INPP4B: variants seen among roughly 807,000 people sequenced by gnomAD.
INPP4B encodes the protein inositol polyphosphate 4-phosphatase type II.
INPP4B carries 55 observed loss-of-function variants against 122.5 expected under a neutral mutation model. The observed-to-expected ratio is 0.45, with a 90% CI of 0.36 to 0.56. INPP4B has a LOEUF of 0.56. INPP4B is among the 20% of genes least tolerant of loss of function. INPP4B has a pLI of 0.00. For missense variants in INPP4B, 1,000 were observed against 1,097.7 expected (o/e 0.91, Z 1.26); for synonymous variants, 403 against 388.7 (o/e 1.04, Z -0.43).
In INPP4B at chr4:142,530,595, G is replaced by A. The variant is rs144011856; in HGVS notation, c.-190-67869C>T. 6.8e-3 allele frequency among the ~76,000 whole-genome samples: 955 copies of A among 140,038 alleles called. 24 individuals carry two copies. Among genetic ancestry groups the A allele is most frequent in the Admixed American group, 0.034 (475 of 13,930 alleles). 91.9% of individuals were successfully genotyped at this position (140,038 alleles called of 152,430 possible). ...TATATATATACACACACACACAGACGCACATACATACACATAAGGAAGAAA... is the reference window on the plus strand; with the variant it reads ...TATATATATACACACACACACAGACACACATACATACACATAAGGAAGAAA... On this transcript the variant is annotated intron_variant, in intron 2 of 25. Coordinates refer to ENST00000262992, the MANE Select transcript of INPP4B (RefSeq NM_001101669.3).
At chr4:142,647,606 T>C (rs912895682) in intron 2 of INPP4B, among the ~76,000 whole-genome samples, 2 of 152,190 alleles carry the variant, frequency 1.3e-5, no homozygotes, top group African/African-American at 4.8e-5. Flanking sequence ...GATAACCATG[T>C]GTGAGACCAG....
intron 18 of INPP4B, among the ~76,000 whole-genome samples, chr4:142,138,645 A>C (rs1806032759): frequency 6.6e-6 from 1 of 152,164 alleles, no homozygotes; most frequent in South Asian, 2.1e-4. Context: ...GATGCCCACT[A>C]GCTCTGTGAT....
At chr4:142,043,023 CT>C (rs1466399910) in intron 25 of INPP4B, among the ~76,000 whole-genome samples, 1 of 152,206 alleles carries the variant, frequency 6.6e-6, no homozygotes, top group African/African-American at 2.4e-5. Context: ...CCTCTACTCA[CT>C]CTTTTAAGTC....
chr4:142,657,587 G>T (rs1433693536), intron 2 of INPP4B, among the ~76,000 whole-genome samples: 1 of 152,174 alleles, frequency 6.6e-6, no homozygotes, highest in East Asian at 1.9e-4. Context: ...TTATAAGAAG[G>T]CTTGGAAATG....
chr4:142,252,252 G>A (rs1053475251), intron 11 of INPP4B, among the ~76,000 whole-genome samples: 20 of 145,792 alleles, frequency 1.4e-4, no homozygotes, highest in Non-Finnish European at 1.9e-4. Context: ...GCAGTGGCGC[G>A]ATCTCGGCTC....
chr4:142,458,792 A>T (rs1816073426), intron 3 of INPP4B, among the ~76,000 whole-genome samples: 1 of 152,214 alleles, frequency 6.6e-6, no homozygotes, highest in African/African-American at 2.4e-5. Flanking sequence ...TGGCTGATAG[A>T]GAAACAGTAG....
chr4:142,629,177 G>C (rs1038734796), intron 2 of INPP4B, among the ~76,000 whole-genome samples: 14 of 151,954 alleles, frequency 9.2e-5, no homozygotes, highest in Admixed American at 3.3e-4. Flanking sequence ...GGAGATTCTG[G>C]GGCATATATT....
chr4:142,177,594 A>C (rs1579182655), intron 15 of INPP4B, among the ~76,000 whole-genome samples: 1 of 152,070 alleles, frequency 6.6e-6, no homozygotes, highest in African/African-American at 2.4e-5. Flanking sequence ...TAGTTTCATA[A>C]TATTTTTCTA....
chr4:142,433,387 T>C (rs1241228450), intron 3 of INPP4B, among the ~76,000 whole-genome samples: 2 of 152,150 alleles, frequency 1.3e-5, no homozygotes, highest in Non-Finnish European at 2.9e-5. Flanking sequence ...ATCTTTTATC[T>C]TACTCAGAAG....
At chr4:142,727,228 T>C in intron 1 of INPP4B, among the ~76,000 whole-genome samples, 1 of 152,184 alleles carries the variant, frequency 6.6e-6, no homozygotes, top group East Asian at 1.9e-4. Flanking sequence ...TCGACTGCAG[T>C]GGTTCCCCTT....
intron 2 of INPP4B, among the ~76,000 whole-genome samples, chr4:142,540,947 T>A (rs1006785414): frequency 6.6e-6 from 1 of 152,190 alleles, no homozygotes; most frequent in African/African-American, 2.4e-5. Context: ...TTCTTGCATA[T>A]ATTTAAAGTA....
intron 25 of INPP4B, chr4:142,030,185 G>A (rs1162031680): frequency 1.3e-6 from 2 of 1,535,584 alleles, no homozygotes; most frequent in South Asian, 2.4e-5. Flanking sequence ...CAACTAGCAG[G>A]TGTGAGCTGA....
At chr4:142,476,493 G>A (rs1580163540) in intron 2 of INPP4B, among the ~76,000 whole-genome samples, 1 of 152,086 alleles carries the variant, frequency 6.6e-6, no homozygotes, top group Non-Finnish European at 1.5e-5. Flanking sequence ...TAAATGGACT[G>A]AATGTTCCAA....
chr4:142,808,105 C>CACAA (rs888561596), intron 1 of INPP4B, among the ~76,000 whole-genome samples: 3 of 150,128 alleles, frequency 2.0e-5, no homozygotes, highest in African/African-American at 7.3e-5. Flanking sequence ...TGATAAAATA[C>CACAA]ACACACACAC....
At position 142,025,946 on chromosome 4, in the gene INPP4B, A is replaced by T. The variant is rs961471047; in HGVS notation, c.*2836T>A. 9 of 152,212 alleles carry T rather than the reference A, an allele frequency of 5.9e-5. No individual in the cohort carries two copies. The highest frequency in any genetic ancestry group is 8.8e-5 in the Non-Finnish European group (6 of 68,050). The allele number at this position is 152,212 out of a possible 1,614,324, so 9.4% of individuals were successfully genotyped here. On this transcript the variant is annotated 3_prime_UTR_variant, in exon 26 of 26. Transcript: ENST00000262992. ...TTTAAAAGCAAAAAGCAATGATATG[A>T]GATGTAAATGAATGGTTTCCTTGTC...
At chr4:142,118,471 G>C (rs549866058) in intron 21 of INPP4B, among the ~76,000 whole-genome samples, 1 of 152,174 alleles carries the variant, frequency 6.6e-6, no homozygotes, top group Non-Finnish European at 1.5e-5. Flanking sequence ...ACAGAACAGG[G>C]CCTTCAGAAA....
chr4:142,483,955 T>C (rs1434323973), intron 2 of INPP4B, among the ~76,000 whole-genome samples: 2 of 152,022 alleles, frequency 1.3e-5, no homozygotes, highest in Non-Finnish European at 2.9e-5. Flanking sequence ...CTAGAGACTG[T>C]TATGCATCAT....
At chr4:142,579,403 AT>A (rs1471927530) in intron 2 of INPP4B, among the ~76,000 whole-genome samples, 1 of 151,986 alleles carries the variant, frequency 6.6e-6, no homozygotes, top group Non-Finnish European at 1.5e-5. Context: ...TCAAACTATG[AT>A]AGTTAATTTT....
chr4:142,393,825 T>G (rs1356584511), intron 7 of INPP4B, among the ~76,000 whole-genome samples: 1 of 152,252 alleles, frequency 6.6e-6, no homozygotes, highest in East Asian at 1.9e-4. Context: ...ACCTCACTTC[T>G]GATTTCTGTA....
Sources: gnomAD v4.1 joint callset for allele counts (sites outside exome capture counted in the v4.1 genomes callset) on GRCh38, gnomAD v4.1.1 for gene constraint, MANE v1.5 for transcripts, NCBI Gene and HGNC (gene_info 2026-07-23, HGNC 2026-07-21) for gene names.